TMA16: variants seen among roughly 807,000 people sequenced by gnomAD.
The protein encoded by TMA16 is translation machinery-associated protein 16.
In TMA16, 26 loss-of-function variants were observed where a neutral mutation model predicts 27.1. The ratio of observed to expected loss-of-function variants is 0.96; its 90% CI spans 0.70 to 1.33. The LOEUF is 1.33. Ranked by LOEUF, TMA16 falls within the 40% of genes most tolerant of loss-of-function variation. TMA16 has a pLI of 0.00. For missense variants in TMA16, 233 were observed against 241.4 expected (o/e 0.97, Z 0.23); for synonymous variants, 71 against 81.9 (o/e 0.87, Z 0.72).
Position 163,494,730 on chromosome 4 carries a change from G to C in TMA16, c.-72G>C. ...TTCGGCCCGGGTGCTCTTGTGAGCT[G>C]CTGCTCCTGCGGTTGGTGAGATTAC... On this transcript the variant is annotated 5_prime_UTR_variant, in exon 1 of 7. Coordinates refer to ENST00000358572, the MANE Select transcript of TMA16 (RefSeq NM_018352.3). 6.2e-7 allele frequency: 1 copy of C among 1,609,996 alleles called. No homozygotes were observed. The highest frequency in any genetic ancestry group is 1.1e-5 in the South Asian group (1 of 91,000).
chr4:163,494,716 T>C lies in TMA16; in HGVS notation c.-86T>C. 1 of 1,592,240 alleles carries C rather than the reference T, an allele frequency of 6.3e-7. No individual in the cohort carries two copies. The highest frequency in any genetic ancestry group is 8.6e-7 in the Non-Finnish European group (1 of 1,162,338). ...GGCGCCACGTGGGATTCGGCCCGGG[T>C]GCTCTTGTGAGCTGCTGCTCCTGCG... On this transcript the variant is annotated 5_prime_UTR_variant, in exon 1 of 7. Transcript: ENST00000358572.
chr4:163,514,424 C>T (rs977653172), intron 4 of TMA16, among the ~76,000 whole-genome samples: 5 of 151,900 alleles, frequency 3.3e-5, no homozygotes, highest in South Asian at 4.2e-4. Flanking sequence ...GTTAGCAGAT[C>T]GAGGCAAGGT....
intron 2 of TMA16, among the ~76,000 whole-genome samples, chr4:163,510,862 T>C (rs988288428): frequency 6.6e-6 from 1 of 152,204 alleles, no homozygotes; most frequent in Non-Finnish European, 1.5e-5. Context: ...TGTGACTACT[T>C]GACCATTGAA....
At position 163,520,268 on chromosome 4, in the gene TMA16, T is replaced by C. The variant is rs1737951713; in HGVS notation, c.*754T>C. On this transcript the variant is annotated 3_prime_UTR_variant, in exon 7 of 7. Transcript: ENST00000358572. ...GTGATTTTAATTATGCTACTTTTTC[T>C]TCTAAGAGATAAATTGATATATCAT... 4.5e-6 allele frequency: 1 copy of C among 222,390 alleles called. No homozygotes were observed. The highest frequency in any genetic ancestry group is 2.3e-5 in the African/African-American group (1 of 43,792). 13.8% of individuals were successfully genotyped at this position (222,390 alleles called of 1,614,324 possible). A position where few individuals can be genotyped will look rare whatever the true frequency, so the allele number is the denominator to read the frequency against.
chr4:163,512,746 T>A (rs187723707), intron 2 of TMA16, 76 bp from the exon 3 acceptor site: 198 of 1,135,844 alleles, frequency 1.7e-4, no homozygotes, highest in Non-Finnish European at 2.4e-4. Flanking sequence ...GCAGTTTTTC[T>A]TTTCGTTGTT....
chr4:163,507,211 A>G, intron 2 of TMA16, 66 bp downstream of exon 2: 1 of 1,333,814 alleles, frequency 7.5e-7, no homozygotes, highest in Non-Finnish European at 1.0e-6. Context: ...TTATCTTTCA[A>G]ACATATATCC....
chr4:163,514,241 G>A (rs1189996988), intron 4 of TMA16, 83 bp downstream of exon 4: 10 of 1,122,484 alleles, frequency 8.9e-6, no homozygotes, highest in East Asian at 5.3e-5. Flanking sequence ...GCTCTGTTAC[G>A]GATTTGCAGA....
At chr4:163,503,321 TA>T (rs11300778) in intron 1 of TMA16, among the ~76,000 whole-genome samples, 16,834 of 150,336 alleles carry the variant, frequency 0.11, 1,005 homozygotes, top group African/African-American at 0.14. Context: ...TCTTAAACTT[TA>T]AAAAAAAAAT....
chr4:163,494,698 C>A lies in TMA16; in HGVS notation c.-104C>A. 1 of 1,526,582 alleles carries A rather than the reference C, an allele frequency of 6.6e-7. No individual in the cohort carries two copies. The highest frequency in any genetic ancestry group is 9.1e-7 in the Non-Finnish European group (1 of 1,104,254). The allele number at this position is 1,526,582 out of a possible 1,614,324, so 94.6% of individuals were successfully genotyped here. A position where few individuals can be genotyped will look rare whatever the true frequency, so the allele number is the denominator to read the frequency against. On this transcript the variant is annotated 5_prime_UTR_variant, in exon 1 of 7. Transcript: ENST00000358572. The stretch of plus-strand genomic sequence containing the variant: ...GTCGGCGCGGGCTTCTCAGGCGCCA[C>A]GTGGGATTCGGCCCGGGTGCTCTTG...
chr4:163,501,634 G>A (rs1364206820), intron 1 of TMA16, among the ~76,000 whole-genome samples: 1 of 152,162 alleles, frequency 6.6e-6, no homozygotes, highest in Non-Finnish European at 1.5e-5. Flanking sequence ...TGTATCCAGA[G>A]ATATACAGTG....
At chr4:163,496,172 A>T (rs1210544329) in intron 1 of TMA16, among the ~76,000 whole-genome samples, 2 of 152,066 alleles carry the variant, frequency 1.3e-5, no homozygotes, top group Non-Finnish European at 2.9e-5. Flanking sequence ...GTTTTGCTGC[A>T]TCCTCTTTCA....
intron 1 of TMA16, among the ~76,000 whole-genome samples, chr4:163,502,180 A>G (rs1350366466): frequency 6.6e-6 from 1 of 152,232 alleles, no homozygotes; most frequent in Non-Finnish European, 1.5e-5. Flanking sequence ...TGAGCTAGAT[A>G]TTAGAATCTA....
At chr4:163,505,547 T>G (rs143360598) in intron 1 of TMA16, among the ~76,000 whole-genome samples, 2 of 152,226 alleles carry the variant, frequency 1.3e-5, no homozygotes, top group Non-Finnish European at 2.9e-5. Flanking sequence ...GTAAAGTATT[T>G]TGCAGGCAGA....
intron 2 of TMA16, among the ~76,000 whole-genome samples, chr4:163,508,410 A>T (rs1737746643): frequency 6.6e-6 from 1 of 152,158 alleles, no homozygotes; most frequent in African/African-American, 2.4e-5. Context: ...ACTGACCTAT[A>T]CTATTATTTA....
At chr4:163,502,970 T>C (rs1737668615) in intron 1 of TMA16, among the ~76,000 whole-genome samples, 1 of 152,228 alleles carries the variant, frequency 6.6e-6, no homozygotes, top group African/African-American at 2.4e-5. Context: ...ATTATAATAC[T>C]GTATTTTCAC....
chr4:163,498,772 C>T (rs1212914243), intron 1 of TMA16, among the ~76,000 whole-genome samples: 1 of 152,226 alleles, frequency 6.6e-6, no homozygotes, highest in Non-Finnish European at 1.5e-5. Context: ...GCTGACGCCT[C>T]TGTCTCCCCA....
rs753408775 is a variant in TMA16, at chr4:163,507,108, A to G, written c.79A>G (p.Ile27Val). The change falls in exon 2 of 7, where the codon ATT (isoleucine) becomes GTT (valine). Residue 27 changes from isoleucine to valine, a missense_variant. Transcript: ENST00000358572. ...TCCATATAGTAGAAAAGCAGCTCAA[A>G]TTACGAGAGAGGCCCACAAACAAGA... ...IHPYSRKAAQ[I>V]TREAHKQEKK... The G allele has an allele frequency of 2.1e-5, 33 of 1,590,322 alleles. No homozygotes were observed. Among genetic ancestry groups the G allele is most frequent in the Non-Finnish European group, 2.7e-5 (31 of 1,167,054 alleles).
intron 1 of TMA16, among the ~76,000 whole-genome samples, chr4:163,498,286 ATTTT>A (rs10608478): frequency 8.0e-6 from 1 of 125,688 alleles, no homozygotes. Context: ...TGGTTAAAAG[ATTTT>A]TTTTTTTTTT....
chr4:163,499,633 G>T (rs1737616405), intron 1 of TMA16, among the ~76,000 whole-genome samples: 1 of 152,026 alleles, frequency 6.6e-6, no homozygotes, highest in African/African-American at 2.4e-5. Flanking sequence ...CGTGTAGCCT[G>T]TGCATATTCT....
Sources: allele counts gnomAD v4.1 joint callset (sites outside exome capture counted in the v4.1 genomes callset), GRCh38; gene constraint gnomAD v4.1.1; transcripts MANE v1.5; gene names NCBI Gene and HGNC (gene_info 2026-07-23, HGNC 2026-07-21).